Variants in KIF16B observed in about 807,000 individuals in gnomAD.
The protein encoded by KIF16B is kinesin family member 16B.
A neutral mutation model predicts 156.3 loss-of-function variants in KIF16B; 98 were observed. The ratio of observed to expected loss-of-function variants is 0.63; its 90% confidence interval spans 0.53 to 0.74. KIF16B has a LOEUF of 0.74. KIF16B is among the 30% of genes least tolerant of loss of function. The pLI is 0.00. For synonymous variants in KIF16B, 564 were observed against 583.7 expected (o/e 0.97, Z 0.49); for missense variants, 1,421 against 1,606.5 (o/e 0.88, Z 1.97).
chr20:16,520,127 T>G (rs760399848), intron 3 of KIF16B, among the ~76,000 whole-genome samples: 15 of 80,626 alleles, frequency 1.9e-4, no homozygotes, highest in Non-Finnish European at 1.3e-4. Flanking sequence ...GCTGCAGGAG[T>G]TTTTTTTTTT....
intron 13 of KIF16B, 89 bp from the exon 14 acceptor site, chr20:16,429,093 T>G (rs2066432930): frequency 1.9e-6 from 2 of 1,076,260 alleles, no homozygotes; most frequent in South Asian, 2.5e-5. Flanking sequence ...AACAACATAG[T>G]GGCCAATGGG....
chr20:16,325,744 CAATTCCCATCA>C (rs1379959095), intron 24 of KIF16B, among the ~76,000 whole-genome samples: 1 of 151,874 alleles, frequency 6.6e-6, no homozygotes, highest in Non-Finnish European at 1.5e-5. Context: ...AAATTCAATG[CAATTCCCATCA>C]AAATACCATC....
At chr20:16,319,932 G>A (rs2063750299) in intron 24 of KIF16B, among the ~76,000 whole-genome samples, 1 of 152,096 alleles carries the variant, frequency 6.6e-6, no homozygotes, top group African/African-American at 2.4e-5. Flanking sequence ...ACTACCTTAG[G>A]TTTTGCCAGA....
chr20:16,544,607 C>CAA (rs11472848), intron 1 of KIF16B, among the ~76,000 whole-genome samples: 26,531 of 64,272 alleles, frequency 0.41, 5,486 homozygotes, highest in African/African-American at 0.43. Context: ...AAAGCCATCT[C>CAA]AAAAAAAAAA....
At chr20:16,555,148 C>A (rs376637125) in intron 1 of KIF16B, among the ~76,000 whole-genome samples, 1 of 152,162 alleles carries the variant, frequency 6.6e-6, no homozygotes, top group South Asian at 2.1e-4. Context: ...ACCAACATCA[C>A]CACAATATTC....
chr20:16,431,073 T>C (rs889247821), intron 12 of KIF16B, among the ~76,000 whole-genome samples: 2 of 152,210 alleles, frequency 1.3e-5, no homozygotes, highest in South Asian at 2.1e-4. Flanking sequence ...TGCCCCTTTC[T>C]TTCTCTAAAC....
Position 16,413,374 on chromosome 20 carries a change from G to A in KIF16B, c.1613-6918C>T, listed in dbSNP as rs555264409. On this transcript the variant is annotated intron_variant, in intron 15 of 25. Coordinates refer to ENST00000354981, the MANE Select transcript of KIF16B (RefSeq NM_024704.5). ...AGCTGACAGAAGTAAATCTGCAAAC[G>A]TTTCTAGTGATTCCTAAGGAATGCA... Among the ~76,000 whole-genome samples the A allele has an allele frequency of 6.8e-4, 104 of 152,098 alleles. No homozygotes were observed. The South Asian group carries it at 7.5e-3, about 11-fold the overall frequency.
intron 24 of KIF16B, among the ~76,000 whole-genome samples, chr20:16,334,876 A>T (rs6075049): frequency 0.14 from 21,481 of 152,138 alleles, 1,617 homozygotes; most frequent in African/African-American, 0.15. Context: ...TTTTCTTCAT[A>T]AATTACCCAG....
chr20:16,288,456 GCA>G (rs2063259607), intron 25 of KIF16B, among the ~76,000 whole-genome samples: 2 of 152,150 alleles, frequency 1.3e-5, no homozygotes, highest in South Asian at 2.1e-4. Flanking sequence ...AAGTGGAAGA[GCA>G]TCTGTATGGT....
intron 1 of KIF16B, among the ~76,000 whole-genome samples, chr20:16,559,015 T>C (rs1205192779): frequency 6.6e-6 from 1 of 152,184 alleles, no homozygotes; most frequent in Non-Finnish European, 1.5e-5. Flanking sequence ...TTTATTTTTA[T>C]TTATTTTCTC....
At chr20:16,346,162 G>A (rs550562603) in intron 23 of KIF16B, among the ~76,000 whole-genome samples, 2 of 152,338 alleles carry the variant, frequency 1.3e-5, no homozygotes, top group South Asian at 4.1e-4. Flanking sequence ...ACCAACTGCA[G>A]AAATTCTGTT....
chr20:16,487,208 C>T (rs62199773), intron 12 of KIF16B, among the ~76,000 whole-genome samples: 2,053 of 151,758 alleles, frequency 0.014, 21 homozygotes, highest in Middle Eastern at 0.068. Context: ...GCCAAGATCG[C>T]GCCACTGCAC....
intron 3 of KIF16B, among the ~76,000 whole-genome samples, chr20:16,521,360 C>T (rs2147115320): frequency 6.6e-6 from 1 of 151,946 alleles, no homozygotes; most frequent in South Asian, 2.1e-4. Context: ...AGCACAAGAA[C>T]TTCGTGAAGC....
At chr20:16,406,296 T>C (rs959146412) in intron 16 of KIF16B, 78 bp downstream of exon 16, 6 of 1,236,228 alleles carry the variant, frequency 4.9e-6, no homozygotes, top group African/African-American at 1.5e-5. Context: ...AGTCAAAAGA[T>C]TGGAACCAGA....
At chr20:16,541,999 G>A (rs985676630) in intron 1 of KIF16B, among the ~76,000 whole-genome samples, 4 of 152,232 alleles carry the variant, frequency 2.6e-5, no homozygotes, top group Non-Finnish European at 5.9e-5. Flanking sequence ...TGGGTGGCAA[G>A]CACGGTGCCT....
chr20:16,395,753 C>A (rs1440748276), intron 17 of KIF16B, among the ~76,000 whole-genome samples: 1 of 152,058 alleles, frequency 6.6e-6, no homozygotes, highest in Non-Finnish European at 1.5e-5. Context: ...ATTCCCTAGA[C>A]TCTAGGGCCT....
At chr20:16,572,615 G>C (rs1600725271) in intron 1 of KIF16B, among the ~76,000 whole-genome samples, 1 of 152,218 alleles carries the variant, frequency 6.6e-6, no homozygotes, top group East Asian at 1.9e-4. Context: ...TATATAACAA[G>C]ATTAAATTTT....
intron 1 of KIF16B, among the ~76,000 whole-genome samples, chr20:16,557,679 C>A (rs1390507984): frequency 6.6e-6 from 1 of 152,100 alleles, no homozygotes; most frequent in Non-Finnish European, 1.5e-5. Flanking sequence ...CAGCCTCAGC[C>A]CCTGGCACCT....
intron 17 of KIF16B, among the ~76,000 whole-genome samples, chr20:16,382,881 C>T (rs1299916861): frequency 6.6e-6 from 1 of 152,058 alleles, no homozygotes; most frequent in Non-Finnish European, 1.5e-5. Context: ...GAATAATGTG[C>T]AAAATCCTGA....
Sources: gnomAD v4.1 joint callset for allele counts (sites outside exome capture counted in the v4.1 genomes callset) on GRCh38, gnomAD v4.1.1 for gene constraint, MANE v1.5 for transcripts, NCBI Gene and HGNC (gene_info 2026-07-23, HGNC 2026-07-21) for gene names.